The following LAMA2 variants were observed in gnomAD, a reference collection of about 807,000 sequenced individuals.
LAMA2 encodes the protein laminin subunit alpha 2.
LAMA2 carries 269 observed loss-of-function variants against 364.8 expected under a neutral mutation model. That is an observed-to-expected ratio of 0.74 (90% CI 0.67 to 0.82). The LOEUF is 0.82. Among genes scored for constraint, LAMA2 ranks in the 40% least tolerant of loss-of-function variants. The probability of loss-of-function intolerance (pLI) is 0.00; values close to 1 mark genes in which losing one functional copy is unlikely to be tolerated. For synonymous variants in LAMA2, 1,379 were observed against 1,370.6 expected, an observed-to-expected ratio of 1.01 and a Z score of -0.14; for missense variants, 3,807 against 3,873.2, an observed-to-expected ratio of 0.98 and a Z score of 0.45.
intron 7 of LAMA2, 102 bp from the exon 8 acceptor site, chr6:129,154,403 G>C: frequency 9.6e-7 from 1 of 1,040,872 alleles, no homozygotes; most frequent in Non-Finnish European, 1.4e-6. Flanking sequence ...GACAGAGTGA[G>C]ACTCTGTCTC....
At chr6:129,095,784 C>A (rs972328046) in intron 3 of LAMA2, among the ~76,000 whole-genome samples, 2 of 151,030 alleles carry the variant, frequency 1.3e-5, no homozygotes, top group Non-Finnish European at 2.9e-5. Context: ...ATTAGCCAGG[C>A]GCAGTGGCAC....
At chr6:128,984,798 G>A (rs954944447) in intron 1 of LAMA2, among the ~76,000 whole-genome samples, 4 of 152,012 alleles carry the variant, frequency 2.6e-5, no homozygotes, top group Non-Finnish European at 4.4e-5. Context: ...CAGTTTTCCT[G>A]AGGGAGTGTC....
chr6:129,264,266 A>G (rs1172324325), intron 15 of LAMA2, among the ~76,000 whole-genome samples: 1 of 152,110 alleles, frequency 6.6e-6, no homozygotes, highest in African/African-American at 2.4e-5. Context: ...TCGAGACTGT[A>G]TGTCAGGGGA....
At chr6:129,230,229 G>A (rs905616628) in intron 12 of LAMA2, among the ~76,000 whole-genome samples, 1 of 152,106 alleles carries the variant, frequency 6.6e-6, no homozygotes, top group Non-Finnish European at 1.5e-5. Flanking sequence ...AAAGTCATTT[G>A]AATGAATCAA....
chr6:129,320,526 C>T lies in LAMA2; in HGVS notation c.4059-12C>T, dbSNP rs750135376. On this transcript the variant is annotated splice_polypyrimidine_tract_variant and intron_variant, in intron 27 of 64. Transcript: ENST00000421865. Reference sequence around the variant, plus strand: ...TGTCATAGTAATCTAAGTACATTCTCGCTGTTTCTAGGATTTCTGAAATCT... The same window carrying T: ...TGTCATAGTAATCTAAGTACATTCTTGCTGTTTCTAGGATTTCTGAAATCT... 35 of 1,457,664 alleles carry T rather than the reference C, an allele frequency of 2.4e-5. No individual in the cohort carries two copies. The highest frequency in any genetic ancestry group is 9.1e-5 in the East Asian group (4 of 44,140). 90.3% of individuals were successfully genotyped at this position (1,457,664 alleles called of 1,614,324 possible).
chr6:129,175,283 A>G (rs1315989771), intron 9 of LAMA2, among the ~76,000 whole-genome samples: 1 of 152,180 alleles, frequency 6.6e-6, no homozygotes, highest in African/African-American at 2.4e-5. Context: ...TCCTTTGGCA[A>G]ATCACTTAAT....
At chr6:129,493,219 A>C (rs778294941) in intron 58 of LAMA2, among the ~76,000 whole-genome samples, 1 of 152,198 alleles carries the variant, frequency 6.6e-6, no homozygotes, top group Non-Finnish European at 1.5e-5. Context: ...GTGTATGTCT[A>C]ATATGATTTT....
At chr6:129,145,647 C>T (rs888322281) in intron 5 of LAMA2, among the ~76,000 whole-genome samples, 1 of 151,790 alleles carries the variant, frequency 6.6e-6, no homozygotes, top group Non-Finnish European at 1.5e-5. Flanking sequence ...GGTTGGGGTA[C>T]ACATCTATTA....
intron 10 of LAMA2, among the ~76,000 whole-genome samples, chr6:129,184,592 G>C (rs555015069): frequency 9.9e-5 from 15 of 151,906 alleles, no homozygotes; most frequent in African/African-American, 3.4e-4. Flanking sequence ...CAAGAATCCT[G>C]TTAATTTGGT....
intron 4 of LAMA2, among the ~76,000 whole-genome samples, chr6:129,135,766 T>C (rs1464285391): frequency 6.6e-6 from 1 of 152,196 alleles, no homozygotes; most frequent in Non-Finnish European, 1.5e-5. Flanking sequence ...TGTGTATTCC[T>C]ATATAGTCTT....
intron 28 of LAMA2, among the ~76,000 whole-genome samples, chr6:129,327,989 A>T (rs546027681): frequency 6.6e-6 from 1 of 152,332 alleles, no homozygotes; most frequent in East Asian, 1.9e-4. Context: ...AAAAACAAAC[A>T]TCTTTTTCAA....
intron 1 of LAMA2, among the ~76,000 whole-genome samples, chr6:128,913,196 C>T (rs1778098257): frequency 6.6e-6 from 1 of 152,172 alleles, no homozygotes; most frequent in African/African-American, 2.4e-5. Context: ...ATTGATGAGT[C>T]TAGATGCTGT....
chr6:129,226,290 T>C (rs1310256146), intron 12 of LAMA2, among the ~76,000 whole-genome samples: 3 of 152,196 alleles, frequency 2.0e-5, no homozygotes, highest in Non-Finnish European at 4.4e-5. Flanking sequence ...CTTTATCCAA[T>C]TTGCCAGTCT....
intron 3 of LAMA2, among the ~76,000 whole-genome samples, chr6:129,075,771 C>T (rs1332791973): frequency 6.6e-6 from 1 of 152,002 alleles, no homozygotes; most frequent in Admixed American, 6.6e-5. Flanking sequence ...AATTAAGGGT[C>T]TGTTTTAACG....
chr6:129,119,781 C>T (rs533942827), intron 4 of LAMA2, among the ~76,000 whole-genome samples: 1 of 152,168 alleles, frequency 6.6e-6, no homozygotes, highest in Non-Finnish European at 1.5e-5. Context: ...ATCTTCTGAC[C>T]TCGTGATCTG....
chr6:129,499,144 T>TATC (rs1554313282), intron 58 of LAMA2, among the ~76,000 whole-genome samples: 1 of 152,172 alleles, frequency 6.6e-6, no homozygotes. Flanking sequence ...AAAACAAGCG[T>TATC]ATCTGTCCTC....
At chr6:129,141,894 A>G (rs1778142883) in intron 4 of LAMA2, among the ~76,000 whole-genome samples, 1 of 151,862 alleles carries the variant, frequency 6.6e-6, no homozygotes, top group Non-Finnish European at 1.5e-5. Context: ...GTGAGTGTGT[A>G]TGTGTATTTT....
At chr6:129,183,544 TCACTG>T (rs1781054726) in intron 10 of LAMA2, among the ~76,000 whole-genome samples, 1 of 151,940 alleles carries the variant, frequency 6.6e-6, no homozygotes, top group Non-Finnish European at 1.5e-5. Context: ...TGAGTTTCAG[TCACTG>T]TTTTTCAGCT....
chr6:129,199,569 C>T (rs1782052872), intron 12 of LAMA2, among the ~76,000 whole-genome samples: 1 of 152,084 alleles, frequency 6.6e-6, no homozygotes, highest in African/African-American at 2.4e-5. Context: ...ATATACTTAT[C>T]TGCTTGTAAA....
Sources: gnomAD v4.1 joint callset for allele counts (sites outside exome capture counted in the v4.1 genomes callset) on GRCh38, gnomAD v4.1.1 for gene constraint, MANE v1.5 for transcripts, NCBI Gene and HGNC (gene_info 2026-07-23, HGNC 2026-07-21) for gene names.